RALYL: variants seen among roughly 807,000 people sequenced by gnomAD.
RALYL encodes RALY RNA binding protein like, also known as RNA-binding Raly-like protein.
Under a neutral mutation model 35.1 loss-of-function variants are expected in RALYL, and 29 were observed. The observed-to-expected ratio is 0.83, with a 90% CI of 0.61 to 1.13. The LOEUF (loss-of-function observed/expected upper bound fraction) is 1.13. RALYL is among the 50% of genes most tolerant of loss of function. The probability of loss-of-function intolerance (pLI) is 0.00; values close to 1 mark genes in which losing one functional copy is unlikely to be tolerated. For synonymous variants in RALYL, 120 were observed against 127.6 expected (o/e 0.94, Z 0.40); for missense variants, 359 against 360.4 (o/e 1.00, Z 0.03).
chr8:84,708,458 T>C (rs1841591935), intron 2 of RALYL, among the ~76,000 whole-genome samples: 1 of 152,140 alleles, frequency 6.6e-6, no homozygotes. Flanking sequence ...TGTGCAAAAC[T>C]GCATTAAATA....
rs576440040 is a variant in RALYL, at chr8:84,835,475, C to T, written c.366-14505C>T. Among the ~76,000 whole-genome samples the T allele has an allele frequency of 1.4e-4, 20 of 143,144 alleles. No homozygotes were observed. The South Asian group carries it at 2.7e-3, about 19-fold the overall frequency. The allele number at this position is 143,144 out of a possible 152,430, so 93.9% of individuals were successfully genotyped here. A position where few individuals can be genotyped will look rare whatever the true frequency, so the allele number is the denominator to read the frequency against. On this transcript the variant is annotated intron_variant, in intron 4 of 8. Coordinates refer to ENST00000521268, the MANE Select transcript of RALYL (RefSeq NM_173848.7). ...CTGAGTTCAGCAGTTCGAGACCAGC[C>T]TCAACATGGAGAAACCCTGTCTCTA...
intron 1 of RALYL, among the ~76,000 whole-genome samples, chr8:84,407,877 CTAAT>C (rs1355842645): frequency 6.6e-6 from 1 of 152,008 alleles, no homozygotes; most frequent in African/African-American, 2.4e-5. Flanking sequence ...AAGGAACACT[CTAAT>C]TATCATTATA....
Position 84,317,742 on chromosome 8 carries a change from T to C in RALYL, c.-24+133318T>C, listed in dbSNP as rs1156772453. ...GCAACTATCAGTGTCTGCTATATAA[T>C]TGAAAATTTTTGAAGAGGGAAGTGT... is the stretch of plus-strand genomic sequence containing the variant. On this transcript the variant is annotated intron_variant, in intron 1 of 8. Coordinates refer to ENST00000521268, the MANE Select transcript of RALYL (RefSeq NM_173848.7). 2.6e-5 allele frequency among the ~76,000 whole-genome samples: 4 copies of C among 152,150 alleles called. 1 individual carries two copies. Among genetic ancestry groups the C allele is most frequent in the Non-Finnish European group, 5.9e-5 (4 of 68,032 alleles).
At chr8:84,256,809 A>G (rs190133066) in intron 1 of RALYL, among the ~76,000 whole-genome samples, 3 of 152,224 alleles carry the variant, frequency 2.0e-5, no homozygotes, top group African/African-American at 7.2e-5. Flanking sequence ...CTGAAGTAGA[A>G]AGAGGTTAAG....
chr8:84,649,778 G>T (rs1450851578), intron 2 of RALYL, among the ~76,000 whole-genome samples: 1 of 151,892 alleles, frequency 6.6e-6, no homozygotes, highest in South Asian at 2.1e-4. Flanking sequence ...TTTTTTGGTT[G>T]CATATGAACT....
At chr8:84,860,807 C>T (rs113234527) in intron 5 of RALYL, among the ~76,000 whole-genome samples, 21 of 152,214 alleles carry the variant, frequency 1.4e-4, no homozygotes, top group African/African-American at 3.6e-4. Context: ...AAATCATTTT[C>T]GAATACCCTA....
rs1419951165 is a variant in RALYL, at chr8:84,560,569, T to C, written c.256+30992T>C. Among the ~76,000 whole-genome samples the C allele has an allele frequency of 2.0e-5, 3 of 152,052 alleles. No individual in the cohort carries two copies. The East Asian group carries it at 5.8e-4, about 29-fold the overall frequency. ...GCAATGCTCCCCCACCACCAAAATT[T>C]AGTTGTTCTCTTTGCCAGAGAATTC... On this transcript the variant is annotated intron_variant, in intron 2 of 8. Transcript: ENST00000521268.
At chr8:84,813,758 A>ATTACT (rs2134132137) in intron 4 of RALYL, among the ~76,000 whole-genome samples, 1 of 152,112 alleles carries the variant, frequency 6.6e-6, no homozygotes, top group East Asian at 1.9e-4. Context: ...AGTTTAGGCA[A>ATTACT]TTACTTTTTT....
intron 1 of RALYL, among the ~76,000 whole-genome samples, chr8:84,264,279 G>C (rs1260881794): frequency 6.6e-6 from 1 of 152,044 alleles, no homozygotes; most frequent in African/African-American, 2.4e-5. Context: ...AGCATCTGTT[G>C]TTTCTTGGCT....
chr8:84,629,040 A>G (rs2131212255), intron 2 of RALYL, among the ~76,000 whole-genome samples: 1 of 152,194 alleles, frequency 6.6e-6, no homozygotes, highest in Non-Finnish European at 1.5e-5. Flanking sequence ...AATTACACCT[A>G]GAACCTTGAC....
In RALYL at chr8:84,790,227, G is replaced by A. The variant is rs1586279380; in HGVS notation, c.333-14543G>A. On this transcript the variant is annotated intron_variant, in intron 3 of 8. Coordinates refer to ENST00000521268, the MANE Select transcript of RALYL (RefSeq NM_173848.7). ...CAGCTGGTCTTCATGAGGGATTGTG[G>A]GGTGGCAGCCATTAGAACTTAAGAG... is the stretch of plus-strand genomic sequence containing the variant. Among the ~76,000 whole-genome samples, 3 of 152,296 alleles carry A rather than the reference G, an allele frequency of 2.0e-5. No individual in the cohort carries two copies. In the South Asian group the frequency reaches 6.2e-4, roughly 32 times the overall value.
intron 4 of RALYL, among the ~76,000 whole-genome samples, chr8:84,834,923 T>C (rs1207667592): frequency 6.6e-6 from 1 of 152,194 alleles, no homozygotes; most frequent in Non-Finnish European, 1.5e-5. Context: ...TCTAGTGAGA[T>C]AGACTCATAA....
At chr8:84,716,417 G>A (rs1015752833) in intron 2 of RALYL, among the ~76,000 whole-genome samples, 1 of 152,252 alleles carries the variant, frequency 6.6e-6, no homozygotes, top group East Asian at 1.9e-4. Context: ...ATCAGAAAAG[G>A]TTTACTTTTA....
chr8:84,523,345 T>A (rs1320743513), intron 1 of RALYL, among the ~76,000 whole-genome samples: 5 of 146,156 alleles, frequency 3.4e-5, no homozygotes. Flanking sequence ...GAGAACAGCA[T>A]GGGGAAAAAA....
chr8:84,672,062 A>G (rs1833368750), intron 2 of RALYL, among the ~76,000 whole-genome samples: 1 of 152,336 alleles, frequency 6.6e-6, no homozygotes, highest in East Asian at 1.9e-4. Flanking sequence ...TGCTTTAAAG[A>G]GCACCCAAGT....
At chr8:84,267,373 G>A (rs978555475) in intron 1 of RALYL, among the ~76,000 whole-genome samples, 1 of 152,088 alleles carries the variant, frequency 6.6e-6, no homozygotes, top group East Asian at 1.9e-4. Context: ...ATTGGCTGAT[G>A]AGACTCATGA....
chr8:84,850,109 TA>T (rs1181681244), intron 5 of RALYL, 82 bp downstream of exon 5: 1 of 653,246 alleles, frequency 1.5e-6, no homozygotes, highest in Admixed American at 3.7e-5. Context: ...TGGGTGCTCT[TA>T]ATTATGGTAT....
intron 4 of RALYL, among the ~76,000 whole-genome samples, chr8:84,819,783 GATTT>G (rs1828117110): frequency 6.6e-6 from 1 of 152,176 alleles, no homozygotes; most frequent in South Asian, 2.1e-4. Context: ...TCATTAAATA[GATTT>G]ATTTAAGTTC....
At chr8:84,576,108 C>T (rs563841799) in intron 2 of RALYL, among the ~76,000 whole-genome samples, 2 of 152,046 alleles carry the variant, frequency 1.3e-5, no homozygotes, top group East Asian at 1.9e-4. Context: ...CATATTTGAC[C>T]ACAAAATAAA....
Sources: allele counts gnomAD v4.1 joint callset (sites outside exome capture counted in the v4.1 genomes callset), GRCh38; gene constraint gnomAD v4.1.1; transcripts MANE v1.5; gene names NCBI Gene and HGNC (gene_info 2026-07-23, HGNC 2026-07-21).